Variants in SIM1 observed in about 807,000 individuals in gnomAD.
SIM1 encodes the protein single-minded homolog 1.
SIM1 carries 18 observed loss-of-function variants against 78.2 expected under a neutral mutation model. That is an observed-to-expected ratio of 0.23 (90% CI 0.16 to 0.34). The LOEUF is 0.34. Among genes scored for constraint, SIM1 ranks in the 10% least tolerant of loss-of-function variants. The probability of loss-of-function intolerance (pLI) is 1.00; values close to 1 mark genes in which losing one functional copy is unlikely to be tolerated. For synonymous variants in SIM1, 417 were observed against 385.2 expected, an observed-to-expected ratio of 1.08 and a Z score of -0.97; for missense variants, 939 against 975.1, an observed-to-expected ratio of 0.96 and a Z score of 0.49.
In SIM1 at chr6:100,406,858, C is replaced by G. The variant is rs557823820; in HGVS notation, c.1168-12969G>C. ...TGTGGTGTGAAAACTTAAGATTATT[C>G]TTAGCAACTTTCAAGTGTAAAATAC... On this transcript the variant is annotated intron_variant, in intron 10 of 11. Transcript: ENST00000369208. Among the ~76,000 whole-genome samples the G allele has an allele frequency of 2.0e-4, 31 of 152,270 alleles. No homozygotes were observed. The South Asian group carries it at 4.8e-3, about 23-fold the overall frequency.
intron 10 of SIM1, among the ~76,000 whole-genome samples, chr6:100,412,591 GAAAGAAAGAAAGAAAGA>G (rs1562239516): frequency 1.1e-5 from 1 of 91,746 alleles, no homozygotes; most frequent in Non-Finnish European, 2.3e-5. Context: ...AAGAAAGAAA[GAAAGAAAGAAAGAAAGA>G]AAGGAAAGAA....
At chr6:100,427,270 T>TAA (rs1771759740) in intron 9 of SIM1, 1 of 152,208 alleles carries the variant, frequency 6.6e-6, no homozygotes, top group Non-Finnish European at 1.5e-5. Context: ...GAAATTAGGG[T>TAA]AAGGCACCCT....
intron 9 of SIM1, among the ~76,000 whole-genome samples, chr6:100,433,772 T>C (rs1771969576): frequency 1.1e-5 from 1 of 91,868 alleles, no homozygotes; most frequent in Non-Finnish European, 2.0e-5. Flanking sequence ...ACACATATAA[T>C]GTATATTTTT....
intron 10 of SIM1, among the ~76,000 whole-genome samples, chr6:100,420,033 T>C (rs529759170): frequency 6.6e-6 from 1 of 152,218 alleles, no homozygotes; most frequent in East Asian, 1.9e-4. Context: ...AAAGAGAAGG[T>C]TGGAGGTGAG....
intron 9 of SIM1, among the ~76,000 whole-genome samples, chr6:100,426,336 T>C (rs1056590270): frequency 2.0e-5 from 3 of 152,180 alleles, no homozygotes; most frequent in Non-Finnish European, 4.4e-5. Context: ...TACTTTAAAC[T>C]TTATAATAGT....
Position 100,449,387 on chromosome 6 carries a change from G to A in SIM1, c.519C>T (p.Ala173=). 1.2e-6 allele frequency: 2 copies of A among 1,613,942 alleles called. No individual in the cohort carries two copies. Among genetic ancestry groups the A allele is most frequent in the Non-Finnish European group, 1.7e-6 (2 of 1,179,906 alleles). ...CCTTGTAGCCGCCACAGGTGAGGCC[G>A]GCGTTACGCTTGGCCAAGACGCACT... ...RMKCVLAKRN[A]GLTCGGYKVI... The change falls in exon 6 of 12, where the codon GCC becomes GCT. Residue 173 remains alanine, a synonymous_variant. Transcript: ENST00000369208.
chr6:100,421,047 T>G (rs1771567033), intron 9 of SIM1, 89 bp from the exon 10 acceptor site: 5 of 1,406,920 alleles, frequency 3.6e-6, no homozygotes, highest in East Asian at 2.5e-5. Context: ...TAATCCGAAT[T>G]TGAAAAGAAG....
intron 11 of SIM1, among the ~76,000 whole-genome samples, chr6:100,392,034 C>T (rs1454269074): frequency 6.6e-6 from 1 of 152,032 alleles, no homozygotes; most frequent in Non-Finnish European, 1.5e-5. Flanking sequence ...ATTAGCTGGG[C>T]GTGGTGGCAG....
chr6:100,458,581 G>A (rs1003623964), intron 2 of SIM1, among the ~76,000 whole-genome samples: 2 of 152,214 alleles, frequency 1.3e-5, no homozygotes, highest in African/African-American at 2.4e-5. Flanking sequence ...GCGGCTCCTG[G>A]GCCGGCCTGG....
At chr6:100,405,555 A>T (rs1414949740) in intron 10 of SIM1, among the ~76,000 whole-genome samples, 4 of 151,986 alleles carry the variant, frequency 2.6e-5, no homozygotes, top group Non-Finnish European at 5.9e-5. Context: ...ATTTATCCTG[A>T]TTTTTTTACC....
At position 100,411,907 on chromosome 6, in the gene SIM1, G is replaced by C. The variant is rs566842501; in HGVS notation, c.1167+8883C>G. ...GAAATAAATGCATAAGCACAAGCGT[G>C]GGGGCAGAAAAAGACAAGGCATTCA... is the stretch of plus-strand genomic sequence containing the variant. On this transcript the variant is annotated intron_variant, in intron 10 of 11. Transcript: ENST00000369208. Among the ~76,000 whole-genome samples the C allele has an allele frequency of 1.3e-3, 191 of 152,228 alleles. 1 individual carries two copies. Among genetic ancestry groups the C allele is most frequent in the African/African-American group, 4.5e-3 (185 of 41,542 alleles).
intron 10 of SIM1, among the ~76,000 whole-genome samples, chr6:100,413,027 C>A (rs1400893158): frequency 6.6e-6 from 1 of 152,234 alleles, no homozygotes; most frequent in African/African-American, 2.4e-5. Flanking sequence ...CTGCTCCCAA[C>A]TCCTGTCTCC....
intron 10 of SIM1, among the ~76,000 whole-genome samples, chr6:100,405,381 A>C (rs1288625523): frequency 6.6e-6 from 1 of 152,144 alleles, no homozygotes; most frequent in East Asian, 1.9e-4. Context: ...GTAAATACTG[A>C]ATCAAAATTC....
chr6:100,416,226 C>G (rs549164851), intron 10 of SIM1, among the ~76,000 whole-genome samples: 1 of 152,210 alleles, frequency 6.6e-6, no homozygotes, highest in East Asian at 1.9e-4. Context: ...GGAGAGCCAC[C>G]CTTCATGTTT....
chr6:100,449,985 A>G lies in SIM1; in HGVS notation c.348+282T>C, dbSNP rs537863920. Reference sequence around the variant, plus strand: ...GCAGCAGTTCCCTGGCAAAGTTCTGATAAAGACATCATGAAATAAGTATGT... The same window carrying G: ...GCAGCAGTTCCCTGGCAAAGTTCTGGTAAAGACATCATGAAATAAGTATGT... On this transcript the variant is annotated intron_variant, in intron 4 of 11. Transcript: ENST00000369208. Among the ~76,000 whole-genome samples the G allele has an allele frequency of 3.3e-5, 5 of 152,344 alleles. No homozygotes were observed. In the East Asian group the frequency reaches 9.6e-4, roughly 29 times the overall value.
intron 10 of SIM1, among the ~76,000 whole-genome samples, chr6:100,397,413 C>T: frequency 6.6e-6 from 1 of 152,050 alleles, no homozygotes; most frequent in East Asian, 1.9e-4. Context: ...TTTGACAATT[C>T]AGTGAAGGAA....
At chr6:100,425,807 G>C (rs1771711230) in intron 9 of SIM1, among the ~76,000 whole-genome samples, 1 of 152,140 alleles carries the variant, frequency 6.6e-6, no homozygotes, top group East Asian at 1.9e-4. Flanking sequence ...TTACATGCAT[G>C]CTCAGTAGAA....
chr6:100,406,936 C>T (rs2114482521), intron 10 of SIM1, among the ~76,000 whole-genome samples: 1 of 152,128 alleles, frequency 6.6e-6, no homozygotes, highest in Non-Finnish European at 1.5e-5. Context: ...AGAACACATC[C>T]ATCTTATAAC....
chr6:100,435,934 A>T (rs1307890031), intron 9 of SIM1, among the ~76,000 whole-genome samples: 1 of 152,056 alleles, frequency 6.6e-6, no homozygotes, highest in African/African-American at 2.4e-5. Flanking sequence ...GTTAAAGTTG[A>T]ACTCCTTAAT....
Sources: gnomAD v4.1 joint callset for allele counts (sites outside exome capture counted in the v4.1 genomes callset) on GRCh38, gnomAD v4.1.1 for gene constraint, MANE v1.5 for transcripts, NCBI Gene and HGNC (gene_info 2026-07-23, HGNC 2026-07-21) for gene names.